RHOU: variants seen among roughly 807,000 people sequenced by gnomAD.
The protein encoded by RHOU is rho-related GTP-binding protein RhoU.
In RHOU, 8 loss-of-function variants were observed where a neutral mutation model predicts 12.6. The observed-to-expected ratio is 0.64, with a 90% CI of 0.37 to 1.15. RHOU has a LOEUF of 1.15. RHOU is among the 50% of genes most tolerant of loss of function. The pLI is 0.01. For missense variants in RHOU, 258 were observed against 347.0 expected (o/e 0.74, Z 2.04); for synonymous variants, 161 against 147.4 (o/e 1.09, Z -0.67).
chr1:228,692,498 C>A, the RHOU span, among the ~76,000 whole-genome samples: 1 of 152,180 alleles, frequency 6.6e-6, no homozygotes, highest in African/African-American at 2.4e-5. Flanking sequence ...GAAGAACTTA[C>A]TTGGCCACAG....
the RHOU span, among the ~76,000 whole-genome samples, chr1:228,657,467 T>A: frequency 2.6e-5 from 4 of 151,976 alleles, no homozygotes; most frequent in East Asian, 1.9e-4. Flanking sequence ...AGGTTTAAAA[T>A]AACAAGATAA....
At chr1:228,650,900 G>T in the RHOU span, 3 of 376,890 alleles carry the variant, frequency 8.0e-6, no homozygotes, top group Admixed American at 7.0e-5. Flanking sequence ...ACCTACATAC[G>T]AATGGATCCT....
the RHOU span, among the ~76,000 whole-genome samples, chr1:228,684,618 C>T: frequency 6.6e-6 from 1 of 152,180 alleles, no homozygotes; most frequent in South Asian, 2.1e-4. Context: ...ATCTACTGTG[C>T]CCTGCTGACA....
the RHOU span, among the ~76,000 whole-genome samples, chr1:228,665,654 C>A: frequency 6.6e-6 from 1 of 152,160 alleles, no homozygotes; most frequent in Non-Finnish European, 1.5e-5. Context: ...TGAGAACCTG[C>A]AGTTCTGATG....
the RHOU span, among the ~76,000 whole-genome samples, chr1:228,698,332 A>G: frequency 6.6e-6 from 1 of 152,176 alleles, no homozygotes; most frequent in African/African-American, 2.4e-5. Flanking sequence ...GAATGAGCTA[A>G]ATACAAAGTC....
At chr1:228,666,064 C>T in the RHOU span, among the ~76,000 whole-genome samples, 1 of 151,712 alleles carries the variant, frequency 6.6e-6, no homozygotes, top group African/African-American at 2.4e-5. Context: ...TTCAAGTGAT[C>T]CCCCCACCTG....
chr1:228,670,434 A>C, the RHOU span, among the ~76,000 whole-genome samples: 2 of 152,230 alleles, frequency 1.3e-5, no homozygotes, highest in Admixed American at 1.3e-4. Flanking sequence ...CCTTCCAACA[A>C]ATGATGAGAA....
At chr1:228,651,473 C>G in the RHOU span, 19 of 152,822 alleles carry the variant, frequency 1.2e-4, no homozygotes, top group Middle Eastern at 8.4e-3. Context: ...CTGAAGACCT[C>G]ACTTTGTCAT....
the RHOU span, among the ~76,000 whole-genome samples, chr1:228,681,672 A>C: frequency 1.3e-5 from 2 of 151,990 alleles, no homozygotes; most frequent in Non-Finnish European, 2.9e-5. Flanking sequence ...ACCATTGTCG[A>C]GTTTGTATTG....
At chr1:228,668,398 C>A in the RHOU span, among the ~76,000 whole-genome samples, 5 of 152,094 alleles carry the variant, frequency 3.3e-5, no homozygotes, top group African/African-American at 4.8e-5. Context: ...GATGGATGGC[C>A]CCAAATTGCG....
the RHOU span, among the ~76,000 whole-genome samples, chr1:228,686,273 G>A: frequency 8.7e-4 from 132 of 152,148 alleles, no homozygotes; most frequent in Non-Finnish European, 1.6e-3. Context: ...TTAGTACTTT[G>A]TAGTTACTCA....
At position 228,738,208 on chromosome 1, in the gene RHOU, C is replaced by T. The variant is rs139305562; in HGVS notation, c.321+477C>T. Among the ~76,000 whole-genome samples, 1,880 of 152,326 alleles carry T rather than the reference C, an allele frequency of 0.012. 10 individuals are homozygous for T. Among genetic ancestry groups the T allele is most frequent in the Non-Finnish European group, 0.018 (1,228 of 68,026 alleles). On this transcript the variant is annotated intron_variant, in intron 2 of 2. Transcript: ENST00000366691. The surrounding 1 kb of genome is among the most constrained non-coding windows in gnomAD (Gnocchi z 4.2). ...TCCCTTCCTGAGCTATGGTTTGACTCGCTAGGACCAGCCCCATCACTTGAA... is the reference window on the plus strand; with the variant it reads ...TCCCTTCCTGAGCTATGGTTTGACTTGCTAGGACCAGCCCCATCACTTGAA...
At chr1:228,658,405 C>A in the RHOU span, among the ~76,000 whole-genome samples, 1 of 151,658 alleles carries the variant, frequency 6.6e-6, no homozygotes, top group African/African-American at 2.4e-5. Context: ...GGAGTGGATT[C>A]ATTCACTCCT....
chr1:228,664,312 TG>T, the RHOU span, among the ~76,000 whole-genome samples: 4 of 151,892 alleles, frequency 2.6e-5, 1 homozygote, highest in Admixed American at 2.6e-4. Context: ...GCGCTCGGCC[TG>T]GATTTCTTCA....
chr1:228,706,630 C>G, the RHOU span, among the ~76,000 whole-genome samples: 1 of 152,292 alleles, frequency 6.6e-6, no homozygotes, highest in East Asian at 1.9e-4. Flanking sequence ...CGGCTTTAGG[C>G]TGAACTTAAT....
the RHOU span, among the ~76,000 whole-genome samples, chr1:228,691,244 A>G: frequency 2.0e-5 from 3 of 152,314 alleles, no homozygotes; most frequent in East Asian, 5.8e-4. Context: ...ATAAATCTAT[A>G]TTGACACATC....
chr1:228,672,263 G>A, the RHOU span, among the ~76,000 whole-genome samples: 2 of 152,170 alleles, frequency 1.3e-5, no homozygotes, highest in South Asian at 2.1e-4. Flanking sequence ...TGCCTCCCGG[G>A]TTCAAGCAAT....
the RHOU span, among the ~76,000 whole-genome samples, chr1:228,709,199 C>G: frequency 6.6e-6 from 1 of 151,910 alleles, no homozygotes; most frequent in Non-Finnish European, 1.5e-5. Context: ...GACTCCCACA[C>G]ATTAATAATG....
chr1:228,659,534 T>TAA, the RHOU span, among the ~76,000 whole-genome samples: 1 of 145,672 alleles, frequency 6.9e-6, no homozygotes, highest in Non-Finnish European at 1.5e-5. Context: ...AACAGAGCAT[T>TAA]AAAAAAAAAG....
Sources: allele counts gnomAD v4.1 joint callset (sites outside exome capture counted in the v4.1 genomes callset), GRCh38; gene constraint gnomAD v4.1.1; non-coding constraint Gnocchi (gnomAD v3.1); transcripts MANE v1.5; gene names NCBI Gene and HGNC (gene_info 2026-07-23, HGNC 2026-07-21).